The following CSMD1 variants were observed in gnomAD, a reference collection of about 807,000 sequenced individuals.
CSMD1 encodes CUB and sushi domain-containing protein 1.
CSMD1 carries 213 observed loss-of-function variants against 417.5 expected under a neutral mutation model. The observed-to-expected ratio is 0.51, with a 90% CI of 0.46 to 0.57. The LOEUF is 0.57. CSMD1 is among the 20% of genes least tolerant of loss of function. CSMD1 has a pLI of 0.00. For missense variants in CSMD1, 6,923 were observed against 4,529.7 expected (o/e 1.53, Z -15.17); for synonymous variants, 2,862 against 1,736.8 (o/e 1.65, Z -16.11).
intron 25 of CSMD1, among the ~76,000 whole-genome samples, chr8:3,301,676 C>T (rs548735070): frequency 1.3e-5 from 2 of 152,182 alleles, no homozygotes; most frequent in South Asian, 4.1e-4. Flanking sequence ...CGAAAGTATC[C>T]ATGAGCAGCC....
chr8:4,815,694 C>CAAAAAAAAAAAAA (rs1218931391), intron 1 of CSMD1, among the ~76,000 whole-genome samples: 1 of 67,632 alleles, frequency 1.5e-5, no homozygotes, highest in African/African-American at 5.3e-5. Context: ...AAAGCTGTCT[C>CAAAAAAAAAAAAA]AAAAAAAAAA....
intron 37 of CSMD1, among the ~76,000 whole-genome samples, chr8:3,170,685 C>A (rs1032966176): frequency 4.6e-5 from 7 of 152,146 alleles, no homozygotes; most frequent in Non-Finnish European, 8.8e-5. Context: ...TCATGCACAA[C>A]TGTAGGAAAT....
At chr8:4,766,063 G>C (rs192186409) in intron 1 of CSMD1, among the ~76,000 whole-genome samples, 25 of 152,230 alleles carry the variant, frequency 1.6e-4, no homozygotes, top group African/African-American at 4.6e-4. Flanking sequence ...TGGAAATCTA[G>C]CTAGAAGAAA....
chr8:4,664,280 C>G (rs180809115), intron 1 of CSMD1, among the ~76,000 whole-genome samples: 1 of 152,266 alleles, frequency 6.6e-6, no homozygotes, highest in African/African-American at 2.4e-5. Flanking sequence ...ATTTTCAATG[C>G]TGGGCACGGT....
chr8:4,975,559 C>A (rs753198350), intron 1 of CSMD1, among the ~76,000 whole-genome samples: 3 of 152,150 alleles, frequency 2.0e-5, no homozygotes, highest in Non-Finnish European at 2.9e-5. Flanking sequence ...AGGAAGGTCC[C>A]AAAACTGGAA....
intron 3 of CSMD1, among the ~76,000 whole-genome samples, chr8:4,159,981 G>T (rs1027502478): frequency 6.6e-6 from 1 of 151,860 alleles, no homozygotes; most frequent in Non-Finnish European, 1.5e-5. Context: ...CTACCAATTG[G>T]GTTCAATGTA....
intron 5 of CSMD1, among the ~76,000 whole-genome samples, chr8:3,822,166 C>G (rs1012454788): frequency 6.6e-6 from 1 of 152,078 alleles, no homozygotes; most frequent in African/African-American, 2.4e-5. Context: ...CTGAGCCAAC[C>G]CTTGAATCGT....
Position 4,209,319 on chromosome 8 carries a change from A to G in CSMD1, c.416-177220T>C, listed in dbSNP as rs569082021. On this transcript the variant is annotated intron_variant, in intron 3 of 69. Coordinates refer to ENST00000635120, the MANE Select transcript of CSMD1 (RefSeq NM_033225.6). ...CTTCAGTGGTTCCCATCTATGAGAC[A>G]TCTTCCCTCAAACTCACAGGGACAG... Among the ~76,000 whole-genome samples the G allele has an allele frequency of 3.4e-4, 52 of 152,266 alleles. No individual in the cohort carries two copies. The South Asian group carries it at 0.01, about 30-fold the overall frequency.
intron 1 of CSMD1, among the ~76,000 whole-genome samples, chr8:4,655,170 A>G (rs941706606): frequency 3.3e-5 from 5 of 152,194 alleles, no homozygotes; most frequent in Middle Eastern, 3.4e-3. Context: ...CCAAAATGTT[A>G]TTCCTTAAAT....
intron 54 of CSMD1, among the ~76,000 whole-genome samples, chr8:2,986,568 G>C (rs773177592): frequency 6.6e-6 from 1 of 151,996 alleles, no homozygotes; most frequent in South Asian, 2.1e-4. Context: ...GCAATGGCGC[G>C]ATCTCAGCTC....
intron 23 of CSMD1, among the ~76,000 whole-genome samples, chr8:3,324,063 G>A (rs990032023): frequency 3.4e-5 from 5 of 146,514 alleles, no homozygotes; most frequent in African/African-American, 1.3e-4. Flanking sequence ...TGTTAAAATA[G>A]ACACACACCC....
chr8:3,500,859 T>G (rs1031002615), intron 10 of CSMD1, among the ~76,000 whole-genome samples: 2 of 152,176 alleles, frequency 1.3e-5, no homozygotes, highest in African/African-American at 4.8e-5. Flanking sequence ...TCTGCAGATC[T>G]CTCAGGTATC....
Position 3,611,395 on chromosome 8 carries a change from T to G in CSMD1, c.1097+5315A>C, listed in dbSNP as rs571041696. ...AAACATCTATGTAATTGTTTGAGTT[T>G]TGAGTTGAGCTGGCTGCTTGCTTTT... On this transcript the variant is annotated intron_variant, in intron 8 of 69. Coordinates refer to ENST00000635120, the MANE Select transcript of CSMD1 (RefSeq NM_033225.6). Among the ~76,000 whole-genome samples, 21 of 152,286 alleles carry G rather than the reference T, an allele frequency of 1.4e-4. No homozygotes were observed. In the East Asian group the frequency reaches 4.1e-3, roughly 29 times the overall value.
rs116580351 is a variant in CSMD1 at position 4,802,285 on chromosome 8, G to C, written c.86-164727C>G. Among the ~76,000 whole-genome samples the C allele has an allele frequency of 1.2e-3, 186 of 152,110 alleles. 2 individuals are homozygous for C. The highest frequency in any genetic ancestry group is 4.4e-3 in the African/African-American group (181 of 41,476). On this transcript the variant is annotated intron_variant, in intron 1 of 69. Transcript: ENST00000635120. ...TGCCTGCCTCAGCCAAGGCTTCGTG[G>C]TTTCAGGCTCATCTTGACCTATGAC...
chr8:3,296,930 G>C (rs542445878), intron 25 of CSMD1, among the ~76,000 whole-genome samples: 88 of 152,276 alleles, frequency 5.8e-4, no homozygotes, highest in Non-Finnish European at 1.1e-3. Flanking sequence ...GTTTCAGAGA[G>C]AAGTCAGAGT....
At chr8:4,645,444 CAAAAAAAAAAA>C (rs549511320) in intron 1 of CSMD1, among the ~76,000 whole-genome samples, 1 of 36,850 alleles carries the variant, frequency 2.7e-5, no homozygotes, top group African/African-American at 1.1e-4. Context: ...AGTGCAGGGG[CAAAAAAAAAAA>C]AAAAAAAAAA....
chr8:4,216,806 A>G (rs369250725), intron 3 of CSMD1, among the ~76,000 whole-genome samples: 13 of 152,268 alleles, frequency 8.5e-5, no homozygotes, highest in African/African-American at 2.9e-4. Flanking sequence ...TACACACAGA[A>G]TTCCAACACA....
At chr8:4,518,854 T>C (rs1803271097) in intron 2 of CSMD1, among the ~76,000 whole-genome samples, 1 of 152,124 alleles carries the variant, frequency 6.6e-6, no homozygotes, top group African/African-American at 2.4e-5. Flanking sequence ...CGGCATGGTC[T>C]AAATACAGAG....
At chr8:4,586,129 C>T (rs1200203612) in intron 2 of CSMD1, among the ~76,000 whole-genome samples, 2 of 152,170 alleles carry the variant, frequency 1.3e-5, no homozygotes, top group Non-Finnish European at 2.9e-5. Flanking sequence ...CTATCCATCT[C>T]CTCAAGCATT....
Sources: gnomAD v4.1 joint callset for allele counts (sites outside exome capture counted in the v4.1 genomes callset) on GRCh38, gnomAD v4.1.1 for gene constraint, MANE v1.5 for transcripts, NCBI Gene and HGNC (gene_info 2026-07-23, HGNC 2026-07-21) for gene names.